Variants in SPON1 observed in about 807,000 individuals in gnomAD.
The protein encoded by SPON1 is spondin-1.
SPON1 carries 52 observed loss-of-function variants against 111.7 expected under a neutral mutation model. The observed-to-expected ratio is 0.47, with a 90% CI of 0.37 to 0.59. The LOEUF is 0.59. SPON1 is among the 20% of genes least tolerant of loss of function. The pLI, the probability that SPON1 is intolerant of heterozygous loss-of-function variation, is 0.00. For missense variants in SPON1, 957 were observed against 1,068.5 expected (o/e 0.90, Z 1.46); for synonymous variants, 410 against 395.8 (o/e 1.04, Z -0.43).
chr11:14,199,995 C>T (rs1254558676), intron 6 of SPON1, among the ~76,000 whole-genome samples: 1 of 152,322 alleles, frequency 6.6e-6, no homozygotes, highest in East Asian at 1.9e-4. Flanking sequence ...ATGCCCCATG[C>T]GTTTTTACAC....
At chr11:14,052,386 G>A (rs1186254015) in intron 3 of SPON1, among the ~76,000 whole-genome samples, 1 of 152,214 alleles carries the variant, frequency 6.6e-6, no homozygotes, top group African/African-American at 2.4e-5. Context: ...AGGGTTAGGA[G>A]GATCTGATGT....
At chr11:14,258,907 C>T (rs1208482670) in intron 11 of SPON1, among the ~76,000 whole-genome samples, 1 of 152,200 alleles carries the variant, frequency 6.6e-6, no homozygotes, top group African/African-American at 2.4e-5. Flanking sequence ...GGTCCTTAAC[C>T]TCCCCTTCCA....
intron 4 of SPON1, among the ~76,000 whole-genome samples, chr11:14,075,766 G>T (rs377461791): frequency 6.6e-6 from 1 of 152,136 alleles, no homozygotes; most frequent in African/African-American, 2.4e-5. Flanking sequence ...AGTCTGTAAT[G>T]GTTCTTTGGA....
chr11:14,060,809 G>T (rs1310460567), intron 3 of SPON1, among the ~76,000 whole-genome samples: 1 of 152,158 alleles, frequency 6.6e-6, no homozygotes, highest in African/African-American at 2.4e-5. Context: ...TAAAACCAAG[G>T]CATGTGGGCC....
At position 14,228,329 on chromosome 11, in the gene SPON1, A is replaced by G. The variant is rs1003931739; in HGVS notation, c.826-15003A>G. Reference sequence around the variant, plus strand: ...GATTTGTTAACTCTGCTTTCCTTTTAGAACCCACTCTCTTTAGCAGCTGGG... The same window carrying G: ...GATTTGTTAACTCTGCTTTCCTTTTGGAACCCACTCTCTTTAGCAGCTGGG... On this transcript the variant is annotated intron_variant, in intron 6 of 15. Transcript: ENST00000576479. The surrounding 1 kb of genome is among the most constrained non-coding windows in gnomAD (Gnocchi z 4.2). Among the ~76,000 whole-genome samples, 1 of 152,232 alleles carries G rather than the reference A, an allele frequency of 6.6e-6. No homozygotes were observed. The highest frequency in any genetic ancestry group is 1.5e-5 in the Non-Finnish European group (1 of 68,036).
intron 2 of SPON1, among the ~76,000 whole-genome samples, chr11:13,999,674 T>C (rs1307996059): frequency 6.6e-6 from 1 of 152,192 alleles, no homozygotes; most frequent in Non-Finnish European, 1.5e-5. Flanking sequence ...CCCAAAGTGC[T>C]GGGATTACAG....
intron 5 of SPON1, among the ~76,000 whole-genome samples, chr11:14,116,747 A>AT (rs144176217): frequency 0.021 from 3,258 of 152,202 alleles, 113 homozygotes; most frequent in African/African-American, 0.074. Context: ...ATCGATTTAT[A>AT]TTTTTAAAAA....
At chr11:14,043,516 A>G (rs563973501) in intron 3 of SPON1, among the ~76,000 whole-genome samples, 55 of 152,238 alleles carry the variant, frequency 3.6e-4, no homozygotes, top group African/African-American at 1.3e-3. Flanking sequence ...TAACCTTGCT[A>G]TTGTCTGTTA....
intron 2 of SPON1, among the ~76,000 whole-genome samples, chr11:14,038,317 A>G (rs1564891118): frequency 6.6e-6 from 1 of 151,994 alleles, no homozygotes; most frequent in Non-Finnish European, 1.5e-5. Context: ...AATACAAAAA[A>G]GTTTAGTCAG....
intron 5 of SPON1, among the ~76,000 whole-genome samples, chr11:14,084,481 T>C (rs188061693): frequency 1.3e-5 from 2 of 152,324 alleles, no homozygotes; most frequent in Non-Finnish European, 2.9e-5. Context: ...CATGAACTCA[T>C]TCTTTTTTAT....
At chr11:14,034,059 C>G (rs1848577237) in intron 2 of SPON1, among the ~76,000 whole-genome samples, 1 of 152,166 alleles carries the variant, frequency 6.6e-6, no homozygotes, top group African/African-American at 2.4e-5. Flanking sequence ...TACCTATCAT[C>G]CAAGCTACTC....
chr11:14,202,317 C>T (rs1369379059), intron 6 of SPON1, among the ~76,000 whole-genome samples: 1 of 152,168 alleles, frequency 6.6e-6, no homozygotes, highest in South Asian at 2.1e-4. Flanking sequence ...CTCACATCTC[C>T]CTCATCTTGC....
chr11:13,977,221 G>A (rs1848109906), intron 1 of SPON1, among the ~76,000 whole-genome samples: 1 of 152,174 alleles, frequency 6.6e-6, no homozygotes, highest in Non-Finnish European at 1.5e-5. Flanking sequence ...AGATGGTATT[G>A]CTGGGTGATA....
chr11:14,195,603 A>T (rs1204997321), intron 6 of SPON1, among the ~76,000 whole-genome samples: 3 of 152,218 alleles, frequency 2.0e-5, no homozygotes, highest in Non-Finnish European at 4.4e-5. Context: ...CAATTACAAG[A>T]TCAAATAACA....
rs781920695 is a variant in SPON1, at chr11:14,041,593, A to C, written c.418A>C (p.Arg140=). Residue 140 remains arginine, a synonymous_variant, in exon 3 of 16, where the codon AGG becomes CGG. Coordinates refer to ENST00000576479, the MANE Select transcript of SPON1 (RefSeq NM_006108.4). The stretch of plus-strand genomic sequence containing the variant: ...AGTCACTGAAAGCACTCCACGGAGG[A>C]GGACCCGGATCCAGGTGTTTTGGAT... ...VAVTESTPRR[R]TRIQVFWIAP... 7 of 1,613,936 alleles carry C rather than the reference A, an allele frequency of 4.3e-6. No homozygotes were observed. The East Asian group carries it at 8.9e-5, about 21-fold the overall frequency.
intron 2 of SPON1, among the ~76,000 whole-genome samples, chr11:13,995,566 C>A (rs1308709993): frequency 6.6e-6 from 1 of 152,054 alleles, no homozygotes; most frequent in Non-Finnish European, 1.5e-5. Context: ...AGAAAACCGC[C>A]CCCATGATCC....
intron 6 of SPON1, among the ~76,000 whole-genome samples, chr11:14,184,630 G>A (rs977973021): frequency 1.3e-5 from 2 of 152,082 alleles, no homozygotes; most frequent in Admixed American, 6.6e-5. Context: ...ACAAACCACC[G>A]CTGTTCCAAC....
intron 6 of SPON1, among the ~76,000 whole-genome samples, chr11:14,226,152 G>A: frequency 6.6e-6 from 1 of 152,196 alleles, no homozygotes; most frequent in East Asian, 1.9e-4. Context: ...GCTCATAGAA[G>A]CTTACTGACT....
chr11:14,068,075 A>G (rs1327170946), intron 3 of SPON1, among the ~76,000 whole-genome samples: 2 of 152,178 alleles, frequency 1.3e-5, no homozygotes, highest in African/African-American at 4.8e-5. Flanking sequence ...TTAAAACACA[A>G]TCCAGTTTTA....
Sources: allele counts gnomAD v4.1 joint callset (sites outside exome capture counted in the v4.1 genomes callset), GRCh38; gene constraint gnomAD v4.1.1; non-coding constraint Gnocchi (gnomAD v3.1); transcripts MANE v1.5; gene names NCBI Gene and HGNC (gene_info 2026-07-23, HGNC 2026-07-21).